The following LRRTM4 variants were observed in gnomAD, a reference collection of about 807,000 sequenced individuals.
The protein encoded by LRRTM4 is leucine rich repeat transmembrane neuronal 4.
Under a neutral mutation model 47.6 loss-of-function variants are expected in LRRTM4, and 25 were observed. That is an observed-to-expected ratio of 0.53 (90% CI 0.38 to 0.73). LRRTM4 has a LOEUF of 0.73. LRRTM4 is among the 30% of genes least tolerant of loss of function. LRRTM4 has a pLI of 0.00. For synonymous variants in LRRTM4, 311 were observed against 269.5 expected (o/e 1.15, Z -1.51); for missense variants, 638 against 713.4 (o/e 0.89, Z 1.20).
At chr2:77,193,098 A>G (rs544021248) in intron 3 of LRRTM4, among the ~76,000 whole-genome samples, 1 of 152,358 alleles carries the variant, frequency 6.6e-6, no homozygotes, top group Admixed American at 6.5e-5. Context: ...GATTCAATGC[A>G]TTACCTTTGT....
chr2:76,781,431 C>T (rs888625843), intron 3 of LRRTM4, among the ~76,000 whole-genome samples: 1 of 152,264 alleles, frequency 6.6e-6, no homozygotes, highest in Non-Finnish European at 1.5e-5. Flanking sequence ...ACCCTCCGAG[C>T]CAGGTGTGGC....
At chr2:76,815,079 T>C (rs980869123) in intron 3 of LRRTM4, among the ~76,000 whole-genome samples, 1 of 151,790 alleles carries the variant, frequency 6.6e-6, no homozygotes, top group Non-Finnish European at 1.5e-5. Context: ...AAAAATGTTC[T>C]GCCTTTCGAA....
intron 3 of LRRTM4, among the ~76,000 whole-genome samples, chr2:76,909,378 A>C (rs1382073849): frequency 1.3e-5 from 2 of 152,194 alleles, no homozygotes; most frequent in Non-Finnish European, 2.9e-5. Flanking sequence ...TTAGACCTAA[A>C]TCCATAAAAA....
At chr2:76,784,127 G>C (rs746986035) in intron 3 of LRRTM4, among the ~76,000 whole-genome samples, 27 of 151,998 alleles carry the variant, frequency 1.8e-4, no homozygotes, top group African/African-American at 2.4e-5. Context: ...ATATTTATCT[G>C]TTTTAATGTT....
rs576902928 is a variant in LRRTM4 at position 76,757,972 on chromosome 2, A to G, written c.1552-9056T>C. ...AATGAAAGCAGGAATGCCAGTACTA[A>G]GAAGGTGTAATCGGCATTACAGAGT... On this transcript the variant is annotated intron_variant, in intron 3 of 3. Coordinates refer to ENST00000409884, the MANE Select transcript of LRRTM4 (RefSeq NM_001134745.3). 1.4e-4 allele frequency among the ~76,000 whole-genome samples: 22 copies of G among 152,316 alleles called. 3 individuals are homozygous for G. The highest frequency in any genetic ancestry group is 5.3e-4 in the African/African-American group (22 of 41,592).
intron 3 of LRRTM4, among the ~76,000 whole-genome samples, chr2:77,311,100 G>T (rs967165138): frequency 5.3e-5 from 8 of 151,958 alleles, no homozygotes; most frequent in African/African-American, 1.7e-4. Flanking sequence ...GACTTTTAAA[G>T]TAGGAATGTG....
chr2:77,081,247 AACAC>A (rs58897041), intron 3 of LRRTM4, among the ~76,000 whole-genome samples: 6,372 of 139,938 alleles, frequency 0.046, 154 homozygotes, highest in East Asian at 0.084. Context: ...ACCTGACAGC[AACAC>A]ACACACACAC....
intron 3 of LRRTM4, among the ~76,000 whole-genome samples, chr2:76,993,032 C>G (rs1212812490): frequency 6.6e-6 from 1 of 151,728 alleles, no homozygotes; most frequent in African/African-American, 2.4e-5. Context: ...AAAGGACTTC[C>G]TCGTCAATAA....
chr2:77,211,475 T>G (rs1573082706), intron 3 of LRRTM4, among the ~76,000 whole-genome samples: 2 of 152,282 alleles, frequency 1.3e-5, no homozygotes, highest in African/African-American at 4.8e-5. Context: ...AATGGGCAAG[T>G]GATTGGCCCA....
chr2:77,149,202 A>T (rs2103780735), intron 3 of LRRTM4, among the ~76,000 whole-genome samples: 1 of 152,246 alleles, frequency 6.6e-6, no homozygotes. Context: ...GGATTTTAAA[A>T]TTTTAATATA....
intron 3 of LRRTM4, among the ~76,000 whole-genome samples, chr2:77,100,681 A>T (rs1670929332): frequency 6.6e-6 from 1 of 152,148 alleles, no homozygotes; most frequent in South Asian, 2.1e-4. Flanking sequence ...CATTGAGGCA[A>T]TCAGGAAAAA....
intron 3 of LRRTM4, among the ~76,000 whole-genome samples, chr2:76,894,734 T>G (rs1041132230): frequency 1.3e-5 from 2 of 151,978 alleles, no homozygotes; most frequent in African/African-American, 4.8e-5. Flanking sequence ...GAAAACTGAC[T>G]TGATTGTAAA....
chr2:77,125,110 T>G (rs958506981), intron 3 of LRRTM4, among the ~76,000 whole-genome samples: 1 of 152,182 alleles, frequency 6.6e-6, no homozygotes, highest in African/African-American at 2.4e-5. Context: ...TGATTTCCAG[T>G]GCCAACATGG....
chr2:77,001,336 G>A (rs1483003764), intron 3 of LRRTM4, among the ~76,000 whole-genome samples: 2 of 152,020 alleles, frequency 1.3e-5, no homozygotes, highest in Non-Finnish European at 2.9e-5. Context: ...AACTGACAGG[G>A]GATCTGAAAT....
chr2:76,849,635 AC>A (rs1467901942), intron 3 of LRRTM4, among the ~76,000 whole-genome samples: 1 of 152,110 alleles, frequency 6.6e-6, no homozygotes, highest in Non-Finnish European at 1.5e-5. Flanking sequence ...CTGCTCATCA[AC>A]TGTCTCTATC....
chr2:77,499,777 T>C (rs1283692930), intron 3 of LRRTM4, among the ~76,000 whole-genome samples: 2 of 151,902 alleles, frequency 1.3e-5, no homozygotes, highest in South Asian at 2.1e-4. Flanking sequence ...TTTATTTATA[T>C]ATGTTGCTTT....
At chr2:77,480,348 C>T (rs12621954) in intron 3 of LRRTM4, among the ~76,000 whole-genome samples, 16,559 of 152,152 alleles carry the variant, frequency 0.11, 1,701 homozygotes, top group East Asian at 0.53. Context: ...AATAGGCATT[C>T]ACTCTTCATT....
intron 3 of LRRTM4, among the ~76,000 whole-genome samples, chr2:76,783,543 T>C (rs1674509582): frequency 6.6e-6 from 1 of 152,144 alleles, no homozygotes; most frequent in Non-Finnish European, 1.5e-5. Context: ...ACTCCCCGTA[T>C]TCTCCCTCCC....
chr2:76,981,244 A>T (rs1037602214), intron 3 of LRRTM4, among the ~76,000 whole-genome samples: 16 of 152,126 alleles, frequency 1.1e-4, no homozygotes, highest in African/African-American at 3.4e-4. Flanking sequence ...TAAAATTCAT[A>T]GTCTCTGCTC....
Sources: gnomAD v4.1 joint callset for allele counts (sites outside exome capture counted in the v4.1 genomes callset) on GRCh38, gnomAD v4.1.1 for gene constraint, MANE v1.5 for transcripts, NCBI Gene and HGNC (gene_info 2026-07-23, HGNC 2026-07-21) for gene names.